Variants in IFI44 observed in about 807,000 individuals in gnomAD.
IFI44 encodes the protein interferon induced protein 44.
Under a neutral mutation model 45.0 loss-of-function variants are expected in IFI44, and 42 were observed. That is an observed-to-expected ratio of 0.93 (90% CI 0.73 to 1.21). The LOEUF (loss-of-function observed/expected upper bound fraction) is 1.21. Among genes scored for constraint, IFI44 ranks in the 50% most tolerant of loss-of-function variants. The pLI is 0.00. For synonymous variants in IFI44, 221 were observed against 188.6 expected, an observed-to-expected ratio of 1.17 and a Z score of -1.41; for missense variants, 623 against 525.8, an observed-to-expected ratio of 1.18 and a Z score of -1.81.
Position 78,660,655 on chromosome 1 carries a change from G to T in IFI44, c.1113+1G>T, listed in dbSNP as rs778154755. 4.4e-6 allele frequency: 7 copies of T among 1,585,364 alleles called. No homozygotes were observed. The highest frequency in any genetic ancestry group is 5.2e-6 in the Non-Finnish European group (6 of 1,154,004). On this transcript the variant is annotated splice_donor_variant, in intron 7 of 8. Transcript: ENST00000370747. LOFTEE classifies it high-confidence loss of function. ...GAGATGTGAGCCTGTGAGGTCCAAGGTAATGAATGATGCCCTTCGTAAACA... is the reference window on the plus strand; with the variant it reads ...GAGATGTGAGCCTGTGAGGTCCAAGTTAATGAATGATGCCCTTCGTAAACA...
chr1:78,662,960 G>T (rs1174254525), intron 8 of IFI44, 82 bp downstream of exon 8: 3 of 1,607,370 alleles, frequency 1.9e-6, no homozygotes, highest in East Asian at 4.5e-5. Context: ...ATACCTGGCA[G>T]CTCTCTGTCT....
At chr1:78,658,190 C>A (rs1051869895) in intron 5 of IFI44, among the ~76,000 whole-genome samples, 1 of 152,118 alleles carries the variant, frequency 6.6e-6, no homozygotes, top group African/African-American at 2.4e-5. Flanking sequence ...TTCACCCAAA[C>A]TGAGAATTCT....
Position 78,654,295 on chromosome 1 carries a change from T to G in IFI44, c.494+16T>G. 4.5e-6 allele frequency: 6 copies of G among 1,328,698 alleles called. No individual in the cohort carries two copies. The highest frequency in any genetic ancestry group is 6.5e-6 in the Non-Finnish European group (6 of 922,256). The allele number at this position is 1,328,698 out of a possible 1,614,324, so 82.3% of individuals were successfully genotyped here. A position where few individuals can be genotyped will look rare whatever the true frequency, so the allele number is the denominator to read the frequency against. On this transcript the variant is annotated intron_variant, in intron 3 of 8. Transcript: ENST00000370747. ...GGGTCATTGAGTAAGTCAATGTTTT[T>G]AAGATTCTATTACTCTCTTCATTAT...
Position 78,663,884 on chromosome 1 carries a change from A to G in IFI44, c.*73A>G. On this transcript the variant is annotated 3_prime_UTR_variant, in exon 9 of 9. Coordinates refer to ENST00000370747, the MANE Select transcript of IFI44 (RefSeq NM_006417.5). ...ATTCAGAAAGGAGAAAACACAGACC[A>G]AAGAGAAGTATCTAAGACCAAAGGG... 6.9e-7 allele frequency: 1 copy of G among 1,444,554 alleles called. No homozygotes were observed. Among genetic ancestry groups the G allele is most frequent in the Non-Finnish European group, 9.5e-7 (1 of 1,048,712 alleles). 89.5% of individuals were successfully genotyped at this position (1,444,554 alleles called of 1,614,324 possible).
chr1:78,660,497 A>G (rs2100470731), intron 6 of IFI44, 57 bp from the exon 7 acceptor site: 2 of 1,269,670 alleles, frequency 1.6e-6, no homozygotes, highest in South Asian at 1.2e-5. Context: ...TGATAGTTAA[A>G]TAACTTGAAA....
rs1647535335 is a variant in IFI44 at position 78,662,712 on chromosome 1, A to G, written c.1122A>G (p.Glu374=). Residue 374 remains glutamate, a synonymous_variant, in exon 8 of 9, where the codon GAA becomes GAG. Transcript: ENST00000370747. ...TAATTTCTGTATTGCAGCTAGAGGA[A>G]GTCCAAAGAAAACTTGGATTTGCTC... ...RCEPVRSKLE[E]VQRKLGFALS... is the part of the protein sequence containing the mutation. 6.2e-7 allele frequency: 1 copy of G among 1,612,486 alleles called. No individual in the cohort carries two copies.
At position 78,654,444 on chromosome 1, in the gene IFI44, TA is replaced by T. The variant is rs547157685; in HGVS notation, c.494+173del. Among the ~76,000 whole-genome samples, 42 of 151,844 alleles carry T rather than the reference TA, an allele frequency of 2.8e-4. 1 individual carries two copies. Among genetic ancestry groups the T allele is most frequent in the South Asian group, 1.2e-3 (6 of 4,810 alleles). Reference sequence around the variant, plus strand: ...ATAAAATATTTGATAATATTAATGTTAAAAAAAAGGACACTGAGTAGAGGAA... The same window carrying T: ...ATAAAATATTTGATAATATTAATGTTAAAAAAAGGACACTGAGTAGAGGAA... On this transcript the variant is annotated intron_variant, in intron 3 of 8. Coordinates refer to ENST00000370747, the MANE Select transcript of IFI44 (RefSeq NM_006417.5).
chr1:78,658,265 A>C, intron 5 of IFI44, among the ~76,000 whole-genome samples: 1 of 152,228 alleles, frequency 6.6e-6, no homozygotes, highest in South Asian at 2.1e-4. Context: ...ATCTTATATA[A>C]CATCTATAGT....
In IFI44 at chr1:78,659,479, C is replaced by A; in HGVS notation, c.1008C>A (p.Asn336Lys). The change falls in exon 6 of 9, where the codon AAC (asparagine) becomes AAA (lysine). Residue 336 changes from asparagine (N) to lysine (K), a missense_variant. Asn to Lys is a moderately conservative substitution (Grantham distance 94). Coordinates refer to ENST00000370747, the MANE Select transcript of IFI44 (RefSeq NM_006417.5). ...KIKRIRRELV[N>K]AGVVHVALLT... ...AAAGAATTCGAAGGGAGTTGGTAAACGCTGGTGAGTCTCATTCCACTTTGC... is the reference window on the plus strand; with the variant it reads ...AAAGAATTCGAAGGGAGTTGGTAAAAGCTGGTGAGTCTCATTCCACTTTGC... The A allele has an allele frequency of 6.2e-7, 1 of 1,610,592 alleles. No individual in the cohort carries two copies. The highest frequency in any genetic ancestry group is 8.5e-7 in the Non-Finnish European group (1 of 1,177,492).
intron 5 of IFI44, among the ~76,000 whole-genome samples, chr1:78,655,811 G>A (rs1254795374): frequency 2.6e-5 from 4 of 152,098 alleles, no homozygotes; most frequent in Non-Finnish European, 4.4e-5. Context: ...TGGGACCAGT[G>A]TGGCAGCTAT....
chr1:78,658,844 G>A (rs1340925957), intron 5 of IFI44, among the ~76,000 whole-genome samples: 2 of 152,092 alleles, frequency 1.3e-5, no homozygotes, highest in East Asian at 3.8e-4. Flanking sequence ...AATAATCTTT[G>A]CATATATCAT....
intron 8 of IFI44, 34 bp downstream of exon 8, chr1:78,662,912 G>C (rs758461607): frequency 1.9e-6 from 3 of 1,612,660 alleles, no homozygotes; most frequent in South Asian, 1.1e-5. Context: ...GCTTGGAAGC[G>C]GTCAGGTAGT....
At position 78,663,758 on chromosome 1, in the gene IFI44, T is replaced by A; in HGVS notation, c.1289-7T>A. 1.2e-6 allele frequency: 2 copies of A among 1,611,742 alleles called. No individual in the cohort carries two copies. The highest frequency in any genetic ancestry group is 1.7e-6 in the Non-Finnish European group (2 of 1,179,236). ...CCACTAAGAATATTTTGTGTTTCTTTTCTCAGGGAATCTAAGGGAGGAAAT... is the reference window on the plus strand; with the variant it reads ...CCACTAAGAATATTTTGTGTTTCTTATCTCAGGGAATCTAAGGGAGGAAAT... On this transcript the variant is annotated splice_polypyrimidine_tract_variant and splice_region_variant and intron_variant, in intron 8 of 8. Coordinates refer to ENST00000370747, the MANE Select transcript of IFI44 (RefSeq NM_006417.5).
rs1430990624 is a variant in IFI44 at position 78,649,873 on chromosome 1, C to T, written c.-43C>T. On this transcript the variant is annotated 5_prime_UTR_variant, in exon 1 of 9. Coordinates refer to ENST00000370747, the MANE Select transcript of IFI44 (RefSeq NM_006417.5). ...GCTATCCAGACAGAGCAGCTACCCT[C>T]AGCTCTAGCTGATACTACAGACAGT... is the stretch of plus-strand genomic sequence containing the variant. 5 of 172,880 alleles carry T rather than the reference C, an allele frequency of 2.9e-5. No individual in the cohort carries two copies. In the East Asian group the frequency reaches 7.4e-4, roughly 26 times the overall value. The allele number at this position is 172,880 out of a possible 1,614,324, so 10.7% of individuals were successfully genotyped here. A position where few individuals can be genotyped will look rare whatever the true frequency, so the allele number is the denominator to read the frequency against.
rs550576707 is a variant in IFI44 at position 78,662,265 on chromosome 1, A to G, written c.1114-439A>G. Among the ~76,000 whole-genome samples, 17 of 152,292 alleles carry G rather than the reference A, an allele frequency of 1.1e-4. No homozygotes were observed. In the East Asian group the frequency reaches 3.3e-3, roughly 29 times the overall value. Reference sequence around the variant, plus strand: ...TTTTACAAGTGAGGAAACAAAGAAAACAGAGTAAACATCTGCCAACGTTTA... The same window carrying G: ...TTTTACAAGTGAGGAAACAAAGAAAGCAGAGTAAACATCTGCCAACGTTTA... On this transcript the variant is annotated intron_variant, in intron 7 of 8. Transcript: ENST00000370747.
rs371049391 is a variant in IFI44, at chr1:78,655,034, C to T, written c.515C>T (p.Ser172Phe). Reference protein sequence around the residue: ...GVIELRKSLLSALRTYEPYGS... With the variant: ...GVIELRKSLLFALRTYEPYGS... Reference sequence around the variant, plus strand: ...AACAGGCTCAGGAAGAGCTTACTGTCTGCCTTGAGAACTTATGAACCATAT... The same window carrying T: ...AACAGGCTCAGGAAGAGCTTACTGTTTGCCTTGAGAACTTATGAACCATAT... Residue 172 changes from serine (S) to phenylalanine (F), a missense_variant, in exon 4 of 9, where the codon TCT becomes TTT. Ser to Phe is a radical substitution (Grantham distance 155, BLOSUM62 -2). Coordinates refer to ENST00000370747, the MANE Select transcript of IFI44 (RefSeq NM_006417.5). 31 of 1,612,704 alleles carry T rather than the reference C, an allele frequency of 1.9e-5. No homozygotes were observed. The highest frequency in any genetic ancestry group is 2.6e-5 in the Non-Finnish European group (31 of 1,179,318).
intron 8 of IFI44, chr1:78,663,555 C>A (rs1468596383): frequency 1.1e-4 from 109 of 985,270 alleles, no homozygotes; most frequent in Non-Finnish European, 1.3e-4. Context: ...CTCCAATTCT[C>A]TCTTACTCAA....
Position 78,659,411 on chromosome 1 carries a change from A to G in IFI44, c.940A>G (p.Ser314Gly). 6.2e-7 allele frequency: 1 copy of G among 1,613,526 alleles called. No individual in the cohort carries two copies. The highest frequency in any genetic ancestry group is 8.5e-7 in the Non-Finnish European group (1 of 1,179,560). The change falls in exon 6 of 9, where the codon AGC becomes GGC. Residue 314 changes from serine to glycine, a missense_variant. By Grantham distance (56) the Ser-to-Gly change is moderately conservative. Coordinates refer to ENST00000370747, the MANE Select transcript of IFI44 (RefSeq NM_006417.5). ...IHCVAFVFDASSIQYFSSQMI... is the reference protein window; with the variant it reads ...IHCVAFVFDAGSIQYFSSQMI... Reference sequence around the variant, plus strand: ...TTGTGTGGCATTTGTATTTGATGCCAGCTCTATTCAATACTTCTCCTCTCA... The same window carrying G: ...TTGTGTGGCATTTGTATTTGATGCCGGCTCTATTCAATACTTCTCCTCTCA...
intron 2 of IFI44, among the ~76,000 whole-genome samples, chr1:78,652,583 T>A (rs1647141799): frequency 6.6e-6 from 1 of 152,214 alleles, no homozygotes; most frequent in South Asian, 2.1e-4. Context: ...AGTGAGTGAA[T>A]GTATCTGTCT....
Sources: allele counts gnomAD v4.1 joint callset (sites outside exome capture counted in the v4.1 genomes callset), GRCh38; gene constraint gnomAD v4.1.1; transcripts MANE v1.5; gene names NCBI Gene and HGNC (gene_info 2026-07-23, HGNC 2026-07-21).